NHERF2: variants seen among roughly 807,000 people sequenced by gnomAD.
The protein encoded by NHERF2 is NHERF family PDZ scaffold protein 2.
chr16:2,038,606 C>G, the NHERF2 span: 1 of 294,888 alleles, frequency 3.4e-6, no homozygotes, highest in Non-Finnish European at 6.4e-6. Flanking sequence ...GCCAGGGAGG[C>G]CTGATGTGGC....
chr16:2,033,265 G>A, the NHERF2 span: 8 of 1,529,110 alleles, frequency 5.2e-6, no homozygotes, highest in Non-Finnish European at 7.0e-6. Flanking sequence ...GAGGGAGGTA[G>A]ATAAGTGGGG....
chr16:2,032,250 G>C, the NHERF2 span, among the ~76,000 whole-genome samples: 2 of 151,670 alleles, frequency 1.3e-5, no homozygotes, highest in Non-Finnish European at 2.9e-5. This position sits in a 1 kb window ranked among gnomAD's most constrained non-coding sequence, Gnocchi z 4.0. Flanking sequence ...AAACTCTTGG[G>C]CTCAAGTGAT....
At chr16:2,030,582 A>C in the NHERF2 span, among the ~76,000 whole-genome samples, 1 of 145,888 alleles carries the variant, frequency 6.9e-6, no homozygotes, top group African/African-American at 2.5e-5. Context: ...ATCTTCCTGG[A>C]GGCCCTGATG....
At chr16:2,027,075 C>T in the NHERF2 span, 2 of 1,451,314 alleles carry the variant, frequency 1.4e-6, no homozygotes, top group Non-Finnish European at 1.8e-6. Context: ...CTACGGCTTC[C>T]ACCTGCACGG....
At chr16:2,033,630 G>A in the NHERF2 span, among the ~76,000 whole-genome samples, 5 of 152,192 alleles carry the variant, frequency 3.3e-5, no homozygotes, top group Admixed American at 1.3e-4. Context: ...CTCTTTGTCC[G>A]GACACAGGCA....
chr16:2,033,359 G>A, the NHERF2 span: 126 of 1,533,016 alleles, frequency 8.2e-5, no homozygotes, highest in South Asian at 1.3e-3. Context: ...GTCATGGCAC[G>A]CTCCGGGAGT....
At chr16:2,033,523 G>A in the NHERF2 span, 5 of 1,327,260 alleles carry the variant, frequency 3.8e-6, no homozygotes, top group African/African-American at 2.9e-5. Context: ...GGACCTTGAT[G>A]TAAGCAGGCT....
At chr16:2,034,771 G>A in the NHERF2 span, among the ~76,000 whole-genome samples, 1 of 144,420 alleles carries the variant, frequency 6.9e-6, no homozygotes, top group Non-Finnish European at 1.5e-5. Context: ...GCCAGCCTGG[G>A]GGCTGTGCTC....
the NHERF2 span, chr16:2,037,607 A>G: frequency 6.2e-7 from 1 of 1,611,966 alleles, no homozygotes; most frequent in Non-Finnish European, 8.5e-7. Flanking sequence ...TGAGGTATGG[A>G]TGTTCTCCAC....
chr16:2,029,902 G>T, the NHERF2 span: 10 of 848,490 alleles, frequency 1.2e-5, no homozygotes, highest in African/African-American at 1.4e-4. Flanking sequence ...GCCTTTTGGG[G>T]CTCCTTTTCT....
At chr16:2,037,094 G>A in the NHERF2 span, 5 of 1,416,962 alleles carry the variant, frequency 3.5e-6, no homozygotes, top group South Asian at 3.7e-5. Flanking sequence ...TCCTCGAGGT[G>A]TGCTAGTGAC....
chr16:2,030,770 G>T, the NHERF2 span, among the ~76,000 whole-genome samples: 1 of 151,924 alleles, frequency 6.6e-6, no homozygotes, highest in Admixed American at 6.6e-5. Context: ...TGAAACCCCC[G>T]TCTCTACTAA....
chr16:2,027,659 G>A, the NHERF2 span, among the ~76,000 whole-genome samples: 2,117 of 152,348 alleles, frequency 0.014, 49 homozygotes, highest in African/African-American at 0.048. Context: ...ACCCAGGAGG[G>A]GTCGCAGTAA....
chr16:2,031,022 G>A, the NHERF2 span, among the ~76,000 whole-genome samples: 3 of 150,576 alleles, frequency 2.0e-5, no homozygotes, highest in South Asian at 4.2e-4. Flanking sequence ...TGTGAGAACC[G>A]CGCTTGGGGC....
chr16:2,036,204 ACCTGGG>A, the NHERF2 span: 1 of 1,042,858 alleles, frequency 9.6e-7, no homozygotes, highest in Non-Finnish European at 1.4e-6. Context: ...TGCCACTGAG[ACCTGGG>A]CCTGCCCGTG....
the NHERF2 span, chr16:2,036,357 C>G: frequency 1.2e-6 from 2 of 1,610,612 alleles, no homozygotes; most frequent in African/African-American, 1.3e-5. Flanking sequence ...GCTGCGCCCT[C>G]GGCTCTGCCA....
chr16:2,029,053 C>T, the NHERF2 span, among the ~76,000 whole-genome samples: 1 of 152,176 alleles, frequency 6.6e-6, no homozygotes, highest in Non-Finnish European at 1.5e-5. Flanking sequence ...AGATATAAGG[C>T]CTAGGGTCAG....
At chr16:2,031,967 C>CA in the NHERF2 span, among the ~76,000 whole-genome samples, 1 of 151,666 alleles carries the variant, frequency 6.6e-6, no homozygotes, top group African/African-American at 2.4e-5. Context: ...TCTGGGATTA[C>CA]AGGTGTGAGC....
At chr16:2,033,563 C>A in the NHERF2 span, 3 of 965,002 alleles carry the variant, frequency 3.1e-6, no homozygotes, top group Non-Finnish European at 4.5e-6. Context: ...AGGCCTTTCT[C>A]TGCCAGGGCT....
Sources: allele counts gnomAD v4.1 joint callset (sites outside exome capture counted in the v4.1 genomes callset), GRCh38; gene constraint gnomAD v4.1.1; non-coding constraint Gnocchi (gnomAD v3.1); transcripts MANE v1.5; gene names NCBI Gene and HGNC (gene_info 2026-07-23, HGNC 2026-07-21).